The following RORA variants were observed in gnomAD, a reference collection of about 807,000 sequenced individuals.
RORA encodes the protein nuclear receptor ROR-alpha.
A neutral mutation model predicts 69.5 loss-of-function variants in RORA; 7 were observed. The observed-to-expected ratio is 0.10, with a 90% CI of 0.06 to 0.19. The LOEUF (loss-of-function observed/expected upper bound fraction) is 0.19, where lower values mean the gene tolerates loss of function less well. RORA is among the 10% of genes least tolerant of loss of function. RORA has a pLI of 1.00. For synonymous variants in RORA, 261 were observed against 240.8 expected, an observed-to-expected ratio of 1.08 and a Z score of -0.78; for missense variants, 457 against 663.0, an observed-to-expected ratio of 0.69 and a Z score of 3.41.
intron 1 of RORA, among the ~76,000 whole-genome samples, chr15:60,879,535 T>C (rs1324817111): frequency 6.6e-6 from 1 of 152,218 alleles, no homozygotes; most frequent in Non-Finnish European, 1.5e-5. Flanking sequence ...AAACATCTAA[T>C]TAAATGCAAC....
At chr15:60,506,224 G>A (rs113774987) in intron 5 of RORA, among the ~76,000 whole-genome samples, 1 of 151,922 alleles carries the variant, frequency 6.6e-6, no homozygotes, top group Non-Finnish European at 1.5e-5. Context: ...GTGATCTCGG[G>A]TATGTTATTT....
At chr15:60,766,372 T>C (rs993422327) in intron 1 of RORA, among the ~76,000 whole-genome samples, 2 of 152,120 alleles carry the variant, frequency 1.3e-5, no homozygotes, top group Non-Finnish European at 2.9e-5. Flanking sequence ...ATAAAGCCAA[T>C]TTAAAAAGCC....
At chr15:60,964,899 G>A (rs904396488) in intron 1 of RORA, among the ~76,000 whole-genome samples, 15 of 152,262 alleles carry the variant, frequency 9.9e-5, no homozygotes, top group African/African-American at 3.1e-4. Context: ...GTGGTGCAGG[G>A]GCAGTGGGTA....
chr15:60,793,864 TG>T (rs2072452386), intron 1 of RORA, among the ~76,000 whole-genome samples: 1 of 152,196 alleles, frequency 6.6e-6, no homozygotes, highest in Admixed American at 6.5e-5. Flanking sequence ...TGATGCTCTG[TG>T]ACATTTGAGC....
intron 1 of RORA, among the ~76,000 whole-genome samples, chr15:61,167,337 C>G (rs1270125715): frequency 6.6e-6 from 1 of 152,070 alleles, no homozygotes; most frequent in Non-Finnish European, 1.5e-5. Flanking sequence ...TGTTCTTTGT[C>G]TGCTAGGTTT....
At chr15:60,619,367 C>T (rs966224955) in intron 2 of RORA, among the ~76,000 whole-genome samples, 6 of 152,292 alleles carry the variant, frequency 3.9e-5, no homozygotes, top group African/African-American at 1.4e-4. Flanking sequence ...TGCATTTGAA[C>T]AATTTGGGGA....
intron 1 of RORA, chr15:60,841,179 G>C (rs1420931764): frequency 1.6e-6 from 1 of 616,196 alleles, no homozygotes; most frequent in Non-Finnish European, 2.0e-6. Context: ...CTTGGAGAAA[G>C]AACACACACC....
chr15:60,545,680 A>G (rs2067046869), intron 2 of RORA, among the ~76,000 whole-genome samples: 1 of 152,176 alleles, frequency 6.6e-6, no homozygotes, highest in Admixed American at 6.5e-5. Context: ...TCACTGCCCA[A>G]TTAGCGTGGT....
At chr15:60,619,862 C>T (rs181451860) in intron 2 of RORA, among the ~76,000 whole-genome samples, 32 of 152,320 alleles carry the variant, frequency 2.1e-4, no homozygotes, top group Admixed American at 1.4e-3. Context: ...GAAGGTGTAC[C>T]GCATCTTTGC....
At chr15:60,895,431 T>A (rs1383906289) in intron 1 of RORA, among the ~76,000 whole-genome samples, 1 of 152,224 alleles carries the variant, frequency 6.6e-6, no homozygotes, top group Non-Finnish European at 1.5e-5. Flanking sequence ...ATAAAGGCTC[T>A]GTCAAAACAA....
At chr15:60,776,053 C>T (rs114749418) in intron 1 of RORA, among the ~76,000 whole-genome samples, 49 of 152,252 alleles carry the variant, frequency 3.2e-4, no homozygotes, top group African/African-American at 1.2e-3. Flanking sequence ...TAGTCCTTAT[C>T]GGTAATTCGA....
chr15:60,990,126 G>A (rs1024994336), intron 1 of RORA, among the ~76,000 whole-genome samples: 8 of 152,304 alleles, frequency 5.3e-5, no homozygotes, highest in African/African-American at 1.7e-4. Context: ...ATCAATAGCA[G>A]CAGACTTTAT....
intron 1 of RORA, among the ~76,000 whole-genome samples, chr15:60,840,239 G>T (rs568390284): frequency 6.6e-6 from 1 of 152,224 alleles, no homozygotes; most frequent in Non-Finnish European, 1.5e-5. Flanking sequence ...TTTTGACTCG[G>T]AGGGCTCATC....
Position 60,645,431 on chromosome 15 carries a change from T to C in RORA, c.196+33226A>G, listed in dbSNP as rs540336918. Among the ~76,000 whole-genome samples, 15 of 151,486 alleles carry C rather than the reference T, an allele frequency of 9.9e-5. No homozygotes were observed. The South Asian group carries it at 3.2e-3, about 32-fold the overall frequency. On this transcript the variant is annotated intron_variant, in intron 2 of 10. Transcript: ENST00000335670. ...GTCTTGACAGATAAATTTTTTTTTT[T>C]TTTTTTTTGAGGCAGAGTCTCACTC...
At chr15:60,909,185 A>T (rs1280593757) in intron 1 of RORA, among the ~76,000 whole-genome samples, 1 of 152,120 alleles carries the variant, frequency 6.6e-6, no homozygotes, top group Non-Finnish European at 1.5e-5. Context: ...CTCCACCCCA[A>T]ATATTCAGAC....
intron 1 of RORA, among the ~76,000 whole-genome samples, chr15:60,995,234 C>T (rs1005801576): frequency 6.6e-6 from 1 of 152,136 alleles, no homozygotes; most frequent in African/African-American, 2.4e-5. Context: ...GCCAGTGCAG[C>T]TGGCTCCCTG....
chr15:61,225,421 G>A (rs1254782242), intron 1 of RORA, among the ~76,000 whole-genome samples: 1 of 152,156 alleles, frequency 6.6e-6, no homozygotes, highest in Non-Finnish European at 1.5e-5. Context: ...AAGGGGGCAA[G>A]AGAGGCCACG....
intron 2 of RORA, among the ~76,000 whole-genome samples, chr15:60,614,552 G>C (rs149997981): frequency 6.6e-6 from 1 of 152,122 alleles, no homozygotes; most frequent in Non-Finnish European, 1.5e-5. Context: ...AGCATTCAAG[G>C]GTTTGGAATG....
Position 60,492,905 on chromosome 15 carries a change from A to T in RORA, c.*4550T>A, listed in dbSNP as rs1416543205. ...TTCACTTGTGCCTTGGAGGGATAGT[A>T]TTATTATCATTATTATTAATAATAA... On this transcript the variant is annotated 3_prime_UTR_variant, in exon 11 of 11. Transcript: ENST00000335670. 2 of 152,102 alleles carry T rather than the reference A, an allele frequency of 1.3e-5. No homozygotes were observed. The highest frequency in any genetic ancestry group is 2.9e-5 in the Non-Finnish European group (2 of 68,002). The allele number at this position is 152,102 out of a possible 1,614,324, so 9.4% of individuals were successfully genotyped here. A position where few individuals can be genotyped will look rare whatever the true frequency, so the allele number is the denominator to read the frequency against.
Sources: allele counts gnomAD v4.1 joint callset (sites outside exome capture counted in the v4.1 genomes callset), GRCh38; gene constraint gnomAD v4.1.1; transcripts MANE v1.5; gene names NCBI Gene and HGNC (gene_info 2026-07-23, HGNC 2026-07-21).